The following AGO1 variants were observed in gnomAD, a reference collection of about 807,000 sequenced individuals.
The protein encoded by AGO1 is protein argonaute-1.
In AGO1, 11 loss-of-function variants were observed where a neutral mutation model predicts 109.2. The ratio of observed to expected loss-of-function variants is 0.10; its 90% CI spans 0.06 to 0.17. The LOEUF is 0.17. Ranked by LOEUF, AGO1 falls within the 10% of genes least tolerant of loss-of-function variation. The pLI is 1.00. For missense variants in AGO1, 574 were observed against 1,140.3 expected (o/e 0.50, Z 7.15); for synonymous variants, 422 against 418.6 (o/e 1.01, Z -0.10).
chr1:35,874,118 T>C (rs1052403547), intron 1 of AGO1, among the ~76,000 whole-genome samples: 7 of 152,310 alleles, frequency 4.6e-5, no homozygotes, highest in Admixed American at 3.9e-4. Flanking sequence ...TGGGGCACCA[T>C]GAACCATGGC....
At chr1:35,903,270 T>G (rs1033417095) in intron 11 of AGO1, among the ~76,000 whole-genome samples, 17 of 151,960 alleles carry the variant, frequency 1.1e-4, no homozygotes, top group Admixed American at 4.6e-4. Flanking sequence ...TCTCCCAAAG[T>G]GCTGGGATTA....
At chr1:35,911,067 A>G (rs1055532086) in intron 12 of AGO1, among the ~76,000 whole-genome samples, 3 of 150,636 alleles carry the variant, frequency 2.0e-5, no homozygotes, top group African/African-American at 7.5e-5. Flanking sequence ...CTCTGTCTCA[A>G]AAGAAAAAAA....
At chr1:35,898,381 G>C (rs647690) in intron 8 of AGO1, among the ~76,000 whole-genome samples, 35,498 of 151,416 alleles carry the variant, frequency 0.23, 6,859 homozygotes, top group East Asian at 0.69. Context: ...CTCAGCCTCC[G>C]GAGTAGCTGG....
chr1:35,903,538 A>G (rs1645460823), intron 11 of AGO1, among the ~76,000 whole-genome samples: 1 of 152,072 alleles, frequency 6.6e-6, no homozygotes, highest in African/African-American at 2.4e-5. Flanking sequence ...TGACGAATTC[A>G]GCTGACCTTG....
rs1299243666 is a variant in AGO1 at position 35,894,062 on chromosome 1, A to G, written c.675A>G (p.Ala225=). The stretch of plus-strand genomic sequence containing the variant: ...TCTCAGCCACTGCCTTTTATAAGGC[A>G]CAGCCAGTGATTGAGTTCATGTGTG... ...IDVSATAFYK[A]QPVIEFMCEV... Residue 225 remains alanine (A), a synonymous_variant, in exon 6 of 19, where the codon GCA becomes GCG. Transcript: ENST00000373204. 1.3e-6 allele frequency: 2 copies of G among 1,567,682 alleles called. No individual in the cohort carries two copies. The highest frequency in any genetic ancestry group is 4.5e-5 in the East Asian group (2 of 44,632).
intron 8 of AGO1, among the ~76,000 whole-genome samples, chr1:35,898,942 G>T (rs994262832): frequency 1.3e-5 from 2 of 152,252 alleles, no homozygotes; most frequent in Admixed American, 1.3e-4. Flanking sequence ...TAAGTATACA[G>T]TTCTGTGGCA....
At chr1:35,896,824 A>C (rs751955862) in intron 8 of AGO1, among the ~76,000 whole-genome samples, 1 of 152,230 alleles carries the variant, frequency 6.6e-6, no homozygotes, top group Non-Finnish European at 1.5e-5. Flanking sequence ...ACTGATGCAC[A>C]TGAAGGCAAC....
intron 1 of AGO1, among the ~76,000 whole-genome samples, chr1:35,886,580 G>A (rs989338496): frequency 6.6e-6 from 1 of 152,054 alleles, no homozygotes; most frequent in African/African-American, 2.4e-5. Context: ...TTTCTCCGAA[G>A]GCCCCAAATG....
At chr1:35,914,124 GA>G in intron 13 of AGO1, 59 bp from the exon 14 acceptor site, 1 of 1,596,284 alleles carries the variant, frequency 6.3e-7, no homozygotes, top group Non-Finnish European at 8.6e-7. Flanking sequence ...GTGGGTACTG[GA>G]TGGTGCCAGC....
chr1:35,870,521 G>A (rs1385571327), intron 1 of AGO1, among the ~76,000 whole-genome samples: 1 of 152,108 alleles, frequency 6.6e-6, no homozygotes, highest in Admixed American at 6.5e-5. Flanking sequence ...TTGACCTCGT[G>A]ATCTGCACGC....
intron 1 of AGO1, among the ~76,000 whole-genome samples, chr1:35,877,340 G>A (rs528124857): frequency 1.3e-5 from 2 of 152,214 alleles, no homozygotes; most frequent in South Asian, 4.1e-4. Context: ...GGTGTAATGT[G>A]CTATTTCTCA....
At chr1:35,915,787 T>G (rs1645723776) in intron 15 of AGO1, among the ~76,000 whole-genome samples, 1 of 152,202 alleles carries the variant, frequency 6.6e-6, no homozygotes, top group African/African-American at 2.4e-5. Flanking sequence ...GGAGACTGAT[T>G]GTTTAGACCA....
chr1:35,905,583 C>T (rs191819746), intron 11 of AGO1, among the ~76,000 whole-genome samples: 4 of 152,218 alleles, frequency 2.6e-5, no homozygotes, highest in Admixed American at 6.5e-5. Flanking sequence ...TCTCCTGCCT[C>T]AGCCTCCTGA....
intron 1 of AGO1, among the ~76,000 whole-genome samples, chr1:35,876,842 G>A (rs769948570): frequency 2.6e-5 from 4 of 152,138 alleles, no homozygotes; most frequent in Non-Finnish European, 4.4e-5. Flanking sequence ...GAATGCAGTG[G>A]TGCAGTCATG....
At chr1:35,903,594 G>T (rs1645461733) in intron 11 of AGO1, among the ~76,000 whole-genome samples, 1 of 152,090 alleles carries the variant, frequency 6.6e-6, no homozygotes, top group Non-Finnish European at 1.5e-5. Flanking sequence ...AGTGGTGCGT[G>T]CCTGTAGTCC....
At chr1:35,892,534 C>T in intron 2 of AGO1, 23 bp from the exon 3 acceptor site, 1 of 1,614,176 alleles carries the variant, frequency 6.2e-7, no homozygotes, top group Non-Finnish European at 8.5e-7. Context: ...TCAGCTTCCA[C>T]AGGCCACTCC....
chr1:35,902,670 A>G (rs184011719), intron 11 of AGO1, among the ~76,000 whole-genome samples: 1 of 152,258 alleles, frequency 6.6e-6, no homozygotes, highest in African/African-American at 2.4e-5. Context: ...TTAAGTACCT[A>G]ATTTATATTC....
chr1:35,918,378 C>G lies in AGO1; in HGVS notation c.2220C>G (p.His740Gln). The G allele has an allele frequency of 1.2e-6, 2 of 1,614,168 alleles. No homozygotes were observed. Among genetic ancestry groups the G allele is most frequent in the East Asian group, 2.2e-5 (1 of 44,884 alleles). Reference protein sequence around the residue: ...AGTTVDTNITHPFEFDFYLCS... With the variant: ...AGTTVDTNITQPFEFDFYLCS... Reference sequence around the variant, plus strand: ...CCACAGTGGACACCAACATCACCCACCCATTTGAGTTTGACTTCTATCTGT... The same window carrying G: ...CCACAGTGGACACCAACATCACCCAGCCATTTGAGTTTGACTTCTATCTGT... The change falls in exon 17 of 19, where the codon CAC becomes CAG. Residue 740 changes from histidine (H) to glutamine (Q), a missense_variant. This residue lies in a region of AGO1 where 62 missense variants were observed against 192.0 expected (regional missense o/e 0.32). Coordinates refer to ENST00000373204, the MANE Select transcript of AGO1 (RefSeq NM_012199.5).
chr1:35,886,995 G>T (rs1343691719), intron 1 of AGO1, among the ~76,000 whole-genome samples: 2 of 152,176 alleles, frequency 1.3e-5, no homozygotes, highest in South Asian at 2.1e-4. Flanking sequence ...CTGTCTGTCC[G>T]TGAGCTTGTG....
Sources: allele counts gnomAD v4.1 joint callset (sites outside exome capture counted in the v4.1 genomes callset), GRCh38; gene constraint gnomAD v4.1.1; regional missense constraint gnomAD v4.1.1; transcripts MANE v1.5; gene names NCBI Gene and HGNC (gene_info 2026-07-23, HGNC 2026-07-21).